FLACC1: variants seen among roughly 807,000 people sequenced by gnomAD.
FLACC1 encodes flagellum associated containing coiled-coil domains 1.
FLACC1 carries 66 observed loss-of-function variants against 62.8 expected under a neutral mutation model. That is an observed-to-expected ratio of 1.05 (90% CI 0.86 to 1.29). The LOEUF (loss-of-function observed/expected upper bound fraction) is 1.29, where lower values mean the gene tolerates loss of function less well. Ranked by LOEUF, FLACC1 falls within the 50% of genes most tolerant of loss-of-function variation. FLACC1 has a pLI of 0.00. For synonymous variants in FLACC1, 156 were observed against 161.0 expected (o/e 0.97, Z 0.24); for missense variants, 452 against 489.1 (o/e 0.92, Z 0.71).
intron 3 of FLACC1, among the ~76,000 whole-genome samples, chr2:201,350,124 G>A (rs1448638782): frequency 2.0e-5 from 3 of 152,064 alleles, no homozygotes; most frequent in East Asian, 1.9e-4. Flanking sequence ...AGTGGCTCAC[G>A]ACTGTAATCC....
At chr2:201,310,022 C>T (rs903341564) in intron 9 of FLACC1, among the ~76,000 whole-genome samples, 2 of 150,676 alleles carry the variant, frequency 1.3e-5, no homozygotes, top group African/African-American at 4.9e-5. Flanking sequence ...GCAAATCTAA[C>T]TTTCTTTTGT....
At position 201,342,370 on chromosome 2, in the gene FLACC1, C is replaced by A; in HGVS notation, c.524G>T (p.Arg175Met). The A allele has an allele frequency of 6.2e-7, 1 of 1,614,174 alleles. No homozygotes were observed. Among genetic ancestry groups the A allele is most frequent in the Non-Finnish European group, 8.5e-7 (1 of 1,180,002 alleles). Reference sequence around the variant, plus strand: ...CAAGGGTCCATGCCAGAAAGTGTACCTGTTCTTGTTTTCAAAGTTCTGTTT... The same window carrying A: ...CAAGGGTCCATGCCAGAAAGTGTACATGTTCTTGTTTTCAAAGTTCTGTTT... The part of the protein sequence containing the change: ...EMKQNFENKN[R>M]ELKEAHEAEL... Residue 175 changes from arginine to methionine, a missense_variant and splice_region_variant, in exon 7 of 15, where the codon AGG (arginine) becomes ATG (methionine). Physicochemically the swap from Arg to Met is moderately conservative, Grantham distance 91 (BLOSUM62 -1). Transcript: ENST00000392257.
At chr2:201,306,914 A>G (rs575776383) in intron 11 of FLACC1, among the ~76,000 whole-genome samples, 5 of 152,350 alleles carry the variant, frequency 3.3e-5, no homozygotes, top group African/African-American at 1.2e-4. Context: ...ATATGAATGG[A>G]CCAATAAGCA....
intron 7 of FLACC1, among the ~76,000 whole-genome samples, chr2:201,332,378 A>G (rs1950612159): frequency 6.6e-6 from 1 of 151,826 alleles, no homozygotes; most frequent in African/African-American, 2.4e-5. Context: ...CTTCCTGAGT[A>G]GCTGGGATTA....
At chr2:201,356,098 A>G (rs1951112570) in intron 1 of FLACC1, among the ~76,000 whole-genome samples, 1 of 152,144 alleles carries the variant, frequency 6.6e-6, no homozygotes, top group African/African-American at 2.4e-5. Context: ...CAAGGTGGCA[A>G]GGAGGACATG....
At chr2:201,297,986 T>A (rs893164793) in intron 12 of FLACC1, among the ~76,000 whole-genome samples, 3 of 152,078 alleles carry the variant, frequency 2.0e-5, no homozygotes, top group African/African-American at 7.2e-5. Flanking sequence ...GGTAGGAACA[T>A]CCTGGCCTGT....
intron 5 of FLACC1, among the ~76,000 whole-genome samples, chr2:201,345,052 C>T (rs946128050): frequency 1.2e-4 from 18 of 152,214 alleles, no homozygotes; most frequent in Non-Finnish European, 2.6e-4. Flanking sequence ...ATACAAACAA[C>T]ACCCACAACT....
chr2:201,291,351 C>T (rs1009058323), intron 12 of FLACC1, among the ~76,000 whole-genome samples: 2 of 152,216 alleles, frequency 1.3e-5, no homozygotes, highest in African/African-American at 4.8e-5. Context: ...AATCAGACAG[C>T]AACATTTGCT....
At chr2:201,353,575 T>G (rs563840842) in intron 1 of FLACC1, among the ~76,000 whole-genome samples, 8 of 152,284 alleles carry the variant, frequency 5.3e-5, no homozygotes, top group African/African-American at 1.9e-4. Context: ...GGATATTTCT[T>G]TTCTCTTTTC....
intron 5 of FLACC1, among the ~76,000 whole-genome samples, chr2:201,345,497 TG>T (rs1950895379): frequency 6.6e-6 from 1 of 151,982 alleles, no homozygotes; most frequent in African/African-American, 2.4e-5. Context: ...TGTGTGTGTG[TG>T]TTTTCTATTG....
Position 201,330,844 on chromosome 2 carries a change from C to T in FLACC1, c.525-11G>A, listed in dbSNP as rs1317160763. ...GCCTCTTTGAGCTCCCTGTGGGACC[C>T]CAGGAGAAGGCCACAATCATTAGTA... On this transcript the variant is annotated splice_polypyrimidine_tract_variant and intron_variant, in intron 7 of 14. Coordinates refer to ENST00000392257, the MANE Select transcript of FLACC1 (RefSeq NM_001127391.3). The T allele has an allele frequency of 1.2e-6, 2 of 1,609,822 alleles. No homozygotes were observed. The highest frequency in any genetic ancestry group is 1.7e-6 in the Non-Finnish European group (2 of 1,178,800).
At chr2:201,311,812 A>C (rs1483590281) in intron 9 of FLACC1, among the ~76,000 whole-genome samples, 1 of 152,196 alleles carries the variant, frequency 6.6e-6, no homozygotes, top group African/African-American at 2.4e-5. Flanking sequence ...ACATAAACAG[A>C]ATTAGAAAGA....
At chr2:201,330,636 G>T in intron 8 of FLACC1, 100 bp downstream of exon 8, 1 of 1,524,372 alleles carries the variant, frequency 6.6e-7, no homozygotes, top group Non-Finnish European at 9.0e-7. Flanking sequence ...CACCAAGGTA[G>T]TAAAACCTTT....
chr2:201,353,458 C>G (rs753377200), intron 1 of FLACC1, among the ~76,000 whole-genome samples: 1 of 152,172 alleles, frequency 6.6e-6, no homozygotes, highest in Non-Finnish European at 1.5e-5. Flanking sequence ...ATAATTGCCT[C>G]TAGGAGCACA....
At chr2:201,310,256 T>C (rs1390930255) in intron 9 of FLACC1, among the ~76,000 whole-genome samples, 1 of 139,110 alleles carries the variant, frequency 7.2e-6, no homozygotes, top group East Asian at 2.1e-4. Context: ...TTTCCCTGAA[T>C]ATACCAAGGA....
intron 1 of FLACC1, among the ~76,000 whole-genome samples, chr2:201,355,600 C>T (rs1349670549): frequency 6.6e-6 from 1 of 151,534 alleles, no homozygotes; most frequent in East Asian, 1.9e-4. Flanking sequence ...TGGCACATGT[C>T]TGTAATCCCA....
At chr2:201,341,997 G>A (rs1416759382) in intron 7 of FLACC1, among the ~76,000 whole-genome samples, 1 of 152,174 alleles carries the variant, frequency 6.6e-6, no homozygotes, top group African/African-American at 2.4e-5. Context: ...AGAAAAAGAG[G>A]AGGAGGAAGA....
At chr2:201,298,266 C>T (rs1041746225) in intron 12 of FLACC1, among the ~76,000 whole-genome samples, 9 of 152,112 alleles carry the variant, frequency 5.9e-5, no homozygotes, top group African/African-American at 1.7e-4. Context: ...TTCTGCCCAA[C>T]GAAGCTTAAA....
At chr2:201,339,170 A>G (rs1160946425) in intron 7 of FLACC1, among the ~76,000 whole-genome samples, 1 of 151,694 alleles carries the variant, frequency 6.6e-6, no homozygotes, top group Admixed American at 6.6e-5. Context: ...GAATTTATCT[A>G]TTTTTGCTAG....
Sources: gnomAD v4.1 joint callset for allele counts (sites outside exome capture counted in the v4.1 genomes callset) on GRCh38, gnomAD v4.1.1 for gene constraint, MANE v1.5 for transcripts, NCBI Gene and HGNC (gene_info 2026-07-23, HGNC 2026-07-21) for gene names.